Variants in PGPEP1L observed in about 807,000 individuals in gnomAD.
The protein encoded by PGPEP1L is pyroglutamyl-peptidase 1-like protein.
PGPEP1L carries 7 observed loss-of-function variants against 6.0 expected under a neutral mutation model. The ratio of observed to expected loss-of-function variants is 1.17; its 90% CI spans 0.66 to 2.19. The LOEUF (loss-of-function observed/expected upper bound fraction) is 2.19. Among genes scored for constraint, PGPEP1L ranks in the 30% most tolerant of loss-of-function variants. The probability of loss-of-function intolerance (pLI) is 0.00; values close to 1 mark genes in which losing one functional copy is unlikely to be tolerated. For synonymous variants in PGPEP1L, 103 were observed against 83.9 expected (o/e 1.23, Z -1.24); for missense variants, 209 against 192.5 (o/e 1.09, Z -0.51).
At chr15:99,001,726 T>C (rs940563879) in intron 2 of PGPEP1L, among the ~76,000 whole-genome samples, 13 of 152,100 alleles carry the variant, frequency 8.5e-5, no homozygotes, top group African/African-American at 2.9e-4. Flanking sequence ...TTTTTGCTTG[T>C]TTGCTTTTTG....
At chr15:98,994,492 A>G (rs1333896607) in intron 2 of PGPEP1L, among the ~76,000 whole-genome samples, 1 of 150,836 alleles carries the variant, frequency 6.6e-6, no homozygotes, top group Non-Finnish European at 1.5e-5. Flanking sequence ...TGCCTCTAAT[A>G]AAAAATAAAA....
rs1218138752 is a variant in PGPEP1L at position 98,969,483 on chromosome 15, C to T, written c.151G>A (p.Val51Ile). The change falls in exon 4 of 5, where the codon GTC becomes ATC. Residue 51 changes from valine to isoleucine, a missense_variant. Val to Ile is a conservative substitution (Grantham distance 29). Coordinates refer to ENST00000535714, the MANE Select transcript of PGPEP1L (RefSeq NM_001167902.2). ...CCCTCCACAGCTACGCGCTTGCAGA[C>T]TGCCTTCATGCAGACCCCTGACTCC... ...VLESGVCMKAVCKRVAVEGVD... is the reference protein window; with the variant it reads ...VLESGVCMKAICKRVAVEGVD... 1 of 1,614,092 alleles carries T rather than the reference C, an allele frequency of 6.2e-7. No individual in the cohort carries two copies. The highest frequency in any genetic ancestry group is 8.5e-7 in the Non-Finnish European group (1 of 1,179,916).
rs556009508 is a variant in PGPEP1L, at chr15:99,004,320, G to A, written c.-142+1109C>T. 2.9e-3 allele frequency among the ~76,000 whole-genome samples: 443 copies of A among 151,760 alleles called. 5 individuals carry two copies. The highest frequency in any genetic ancestry group is 9.3e-3 in the African/African-American group (386 of 41,314). ...GCTACTCCAGAGGCTGAGGTGGGAGGATTACTTGAGCCCAGGAGTTTGAGG... is the reference window on the plus strand; with the variant it reads ...GCTACTCCAGAGGCTGAGGTGGGAGAATTACTTGAGCCCAGGAGTTTGAGG... On this transcript the variant is annotated intron_variant, in intron 2 of 4. Transcript: ENST00000535714.
chr15:98,981,141 G>A (rs925567945), intron 2 of PGPEP1L, among the ~76,000 whole-genome samples: 2 of 152,032 alleles, frequency 1.3e-5, no homozygotes, highest in African/African-American at 2.4e-5. Flanking sequence ...AGTCCCAATT[G>A]AGGAACAAAC....
intron 2 of PGPEP1L, among the ~76,000 whole-genome samples, chr15:99,002,278 G>GAGTC (rs1187682430): frequency 1.3e-5 from 2 of 152,182 alleles, no homozygotes; most frequent in Non-Finnish European, 2.9e-5. Context: ...TTACAGGTGT[G>GAGTC]AGTCATTGTA....
intron 2 of PGPEP1L, among the ~76,000 whole-genome samples, chr15:98,982,287 G>A (rs79186074): frequency 0.025 from 3,831 of 152,188 alleles, 177 homozygotes; most frequent in African/African-American, 0.084. Context: ...TTGTGCAGGC[G>A]ACTGGGACTA....
At chr15:98,977,629 T>C (rs983638408) in intron 2 of PGPEP1L, among the ~76,000 whole-genome samples, 5 of 152,214 alleles carry the variant, frequency 3.3e-5, no homozygotes, top group African/African-American at 1.2e-4. Flanking sequence ...AAACACTGCA[T>C]ATGCACATAT....
intron 2 of PGPEP1L, among the ~76,000 whole-genome samples, chr15:99,002,357 G>A (rs1435043031): frequency 3.9e-5 from 6 of 152,160 alleles, no homozygotes; most frequent in Non-Finnish European, 8.8e-5. Flanking sequence ...ATGGTTGCCA[G>A]GTGTTTGAGA....
intron 2 of PGPEP1L, among the ~76,000 whole-genome samples, chr15:98,977,534 C>T (rs1307575635): frequency 1.3e-5 from 2 of 152,202 alleles, no homozygotes; most frequent in Non-Finnish European, 2.9e-5. Context: ...TCCACTGTGG[C>T]CAGAGAACAC....
chr15:98,968,882 T>TGGCCTCA (rs1206334265), intron 4 of PGPEP1L, among the ~76,000 whole-genome samples, 185 bp from the exon 5 acceptor site: 2 of 152,182 alleles, frequency 1.3e-5, no homozygotes, highest in Non-Finnish European at 2.9e-5. Flanking sequence ...AGCTGGCTCT[T>TGGCCTCA]GGCCTCATGG....
intron 2 of PGPEP1L, among the ~76,000 whole-genome samples, chr15:98,992,516 T>C (rs1014688944): frequency 2.6e-5 from 4 of 152,190 alleles, no homozygotes; most frequent in Admixed American, 2.0e-4. Context: ...AAAATGGCCA[T>C]ACTGCCCAAA....
At chr15:98,975,820 G>T (rs754373811) in intron 2 of PGPEP1L, among the ~76,000 whole-genome samples, 1 of 152,188 alleles carries the variant, frequency 6.6e-6, no homozygotes, top group Non-Finnish European at 1.5e-5. Flanking sequence ...GGCGGAGGTT[G>T]CAGTGAGACA....
At chr15:98,990,865 TG>T (rs1367295806) in intron 2 of PGPEP1L, among the ~76,000 whole-genome samples, 1 of 152,210 alleles carries the variant, frequency 6.6e-6, no homozygotes, top group Admixed American at 6.5e-5. Context: ...GAATGACTAC[TG>T]GGTAAATAAC....
At chr15:98,981,585 C>T (rs535987776) in intron 2 of PGPEP1L, among the ~76,000 whole-genome samples, 16 of 151,888 alleles carry the variant, frequency 1.1e-4, no homozygotes, top group African/African-American at 3.6e-4. Flanking sequence ...TACGGAGACT[C>T]GAGGACTTAT....
intron 2 of PGPEP1L, among the ~76,000 whole-genome samples, chr15:98,984,546 AGTCT>A (rs1254121757): frequency 1.3e-5 from 2 of 152,152 alleles, no homozygotes; most frequent in African/African-American, 4.8e-5. Flanking sequence ...AGCCCATCTA[AGTCT>A]ATTTCTATAT....
intron 2 of PGPEP1L, among the ~76,000 whole-genome samples, chr15:99,001,745 T>C (rs563794317): frequency 6.6e-6 from 1 of 152,202 alleles, no homozygotes; most frequent in East Asian, 1.9e-4. Flanking sequence ...TGAGACAGAG[T>C]CTCACCCTGT....
At chr15:98,984,176 A>G (rs1172897203) in intron 2 of PGPEP1L, among the ~76,000 whole-genome samples, 1 of 152,004 alleles carries the variant, frequency 6.6e-6, no homozygotes, top group Admixed American at 6.6e-5. Flanking sequence ...ACGCCCGGCT[A>G]ATTTTTTTGT....
At chr15:99,002,833 T>C (rs1356617725) in intron 2 of PGPEP1L, among the ~76,000 whole-genome samples, 3 of 152,088 alleles carry the variant, frequency 2.0e-5, no homozygotes, top group Non-Finnish European at 4.4e-5. Context: ...CTGTGACATT[T>C]CCACCTCTGA....
chr15:99,005,012 G>C (rs1469988778), intron 2 of PGPEP1L, among the ~76,000 whole-genome samples: 2 of 152,120 alleles, frequency 1.3e-5, no homozygotes, highest in South Asian at 2.1e-4. Flanking sequence ...AGCCTTGTGA[G>C]GGCCCTGTGG....
Sources: allele counts gnomAD v4.1 joint callset (sites outside exome capture counted in the v4.1 genomes callset), GRCh38; gene constraint gnomAD v4.1.1; transcripts MANE v1.5; gene names NCBI Gene and HGNC (gene_info 2026-07-23, HGNC 2026-07-21).